The following TBC1D9 variants were observed in gnomAD, a reference collection of about 807,000 sequenced individuals.
TBC1D9 encodes TBC1 domain family member 9, also known as TBC1 domain family member 9A.
A neutral mutation model predicts 132.0 loss-of-function variants in TBC1D9; 63 were observed. The observed-to-expected ratio is 0.48, with a 90% confidence interval of 0.39 to 0.59. The LOEUF (loss-of-function observed/expected upper bound fraction) is 0.59, where lower values mean the gene tolerates loss of function less well. Ranked by LOEUF, TBC1D9 falls within the 20% of genes least tolerant of loss-of-function variation. TBC1D9 has a pLI of 0.00. For synonymous variants in TBC1D9, 610 were observed against 609.9 expected, an observed-to-expected ratio of 1.00 and a Z score of 0.00; for missense variants, 1,261 against 1,592.7, an observed-to-expected ratio of 0.79 and a Z score of 3.54.
At position 140,621,474 on chromosome 4, in the gene TBC1D9, A is replaced by G. The variant is rs1736612411; in HGVS notation, c.*721T>C. ...AGACTGTTACTTTTCACTGAATTCTAATGAGTTGACGTAAATAATCAGAAC... is the reference window on the plus strand; with the variant it reads ...AGACTGTTACTTTTCACTGAATTCTGATGAGTTGACGTAAATAATCAGAAC... On this transcript the variant is annotated 3_prime_UTR_variant, in exon 21 of 21. Transcript: ENST00000442267. The G allele has an allele frequency of 6.6e-6, 1 of 152,220 alleles. No homozygotes were observed. Among genetic ancestry groups the G allele is most frequent in the Non-Finnish European group, 1.5e-5 (1 of 68,032 alleles). 9.4% of individuals were successfully genotyped at this position (152,220 alleles called of 1,614,324 possible). A position where few individuals can be genotyped will look rare whatever the true frequency, so the allele number is the denominator to read the frequency against.
intron 13 of TBC1D9, among the ~76,000 whole-genome samples, chr4:140,653,903 G>T (rs1737224678): frequency 6.6e-6 from 1 of 152,232 alleles, no homozygotes; most frequent in African/African-American, 2.4e-5. Flanking sequence ...AGCCCAAGAA[G>T]ACGTAAATGG....
intron 13 of TBC1D9, chr4:140,642,786 G>C (rs1388770869): frequency 3.2e-6 from 2 of 634,460 alleles, no homozygotes; most frequent in Non-Finnish European, 5.6e-6. Context: ...TTGCTGCTCA[G>C]CTTTCCGCTA....
At chr4:140,626,701 A>G (rs1347763985) in intron 18 of TBC1D9, among the ~76,000 whole-genome samples, 3 of 152,246 alleles carry the variant, frequency 2.0e-5, no homozygotes, top group Admixed American at 6.5e-5. Context: ...GGAGACATAT[A>G]TGAGTTGAAT....
At chr4:140,702,080 T>C (rs1299287664) in intron 1 of TBC1D9, among the ~76,000 whole-genome samples, 2 of 152,186 alleles carry the variant, frequency 1.3e-5, no homozygotes, top group Non-Finnish European at 2.9e-5. Context: ...GATCTTCCCA[T>C]TTCCACAGCA....
intron 2 of TBC1D9, among the ~76,000 whole-genome samples, chr4:140,690,623 T>C (rs1737862919): frequency 6.6e-6 from 1 of 152,124 alleles, no homozygotes; most frequent in Admixed American, 6.5e-5. Context: ...CTCAGGATCT[T>C]CAAGTCTTTC....
chr4:140,686,728 C>A (rs1020162263), intron 2 of TBC1D9, among the ~76,000 whole-genome samples: 1 of 152,154 alleles, frequency 6.6e-6, no homozygotes, highest in Non-Finnish European at 1.5e-5. Flanking sequence ...TGTTTCAGAT[C>A]AGAAGGCAGC....
At chr4:140,666,684 G>A (rs1385362525) in intron 9 of TBC1D9, among the ~76,000 whole-genome samples, 2 of 149,256 alleles carry the variant, frequency 1.3e-5, no homozygotes, top group African/African-American at 2.5e-5. Flanking sequence ...GTTTTGGGGG[G>A]ATGAAAAATG....
At chr4:140,687,599 T>C (rs1475316218) in intron 2 of TBC1D9, among the ~76,000 whole-genome samples, 1 of 151,806 alleles carries the variant, frequency 6.6e-6, no homozygotes, top group Non-Finnish European at 1.5e-5. Context: ...GACACAAATG[T>C]ATCTGCAATT....
intron 3 of TBC1D9, among the ~76,000 whole-genome samples, chr4:140,684,908 G>A (rs1351153623): frequency 6.6e-6 from 1 of 151,982 alleles, no homozygotes; most frequent in Non-Finnish European, 1.5e-5. Flanking sequence ...ATCTGGGATA[G>A]TGTGAGCACC....
intron 13 of TBC1D9, chr4:140,643,186 G>A (rs1169193473): frequency 7.7e-6 from 11 of 1,426,786 alleles, no homozygotes; most frequent in Non-Finnish European, 1.1e-5. Flanking sequence ...AGGCTCTCCA[G>A]TGAGGGCCGA....
chr4:140,711,389 T>A (rs978138045), intron 1 of TBC1D9, among the ~76,000 whole-genome samples: 2 of 152,210 alleles, frequency 1.3e-5, no homozygotes, highest in Non-Finnish European at 2.9e-5. Flanking sequence ...AGCCCACCTC[T>A]GTTTCTAAGA....
Position 140,657,134 on chromosome 4 carries a change from T to A in TBC1D9, c.2300A>T (p.Glu767Val), listed in dbSNP as rs1474312470. The A allele has an allele frequency of 1.2e-6, 2 of 1,613,942 alleles. No homozygotes were observed. The highest frequency in any genetic ancestry group is 4.5e-5 in the East Asian group (2 of 44,876). ...LLSDDVEPYP[E>V]VDIFRLIRTS... is the part of the protein sequence containing the mutation. ...TCTGATGAGTCTAAAGATGTCTACCTCAGGGTAAGGTTCCACATCATCGCT... is the reference window on the plus strand; with the variant it reads ...TCTGATGAGTCTAAAGATGTCTACCACAGGGTAAGGTTCCACATCATCGCT... The change falls in exon 13 of 21, where the codon GAG becomes GTG. Residue 767 changes from glutamate (E) to valine (V), a missense_variant. Glu to Val is a moderately radical substitution (Grantham distance 121, BLOSUM62 -2). Around this residue, in one of 3 missense-constraint regions of TBC1D9, gnomAD observed 618 missense variants for 724.4 expected, o/e 0.85. Transcript: ENST00000442267.
chr4:140,721,889 C>T (rs115134830), intron 1 of TBC1D9, among the ~76,000 whole-genome samples: 11 of 152,208 alleles, frequency 7.2e-5, no homozygotes, highest in African/African-American at 2.6e-4. Flanking sequence ...GTCCTTCTAC[C>T]TGCTCACATC....
chr4:140,699,367 G>C (rs1462217877), intron 2 of TBC1D9, among the ~76,000 whole-genome samples: 1 of 152,074 alleles, frequency 6.6e-6, no homozygotes, highest in Non-Finnish European at 1.5e-5. Context: ...CTTTGAAAAG[G>C]GGAAGAACAG....
At chr4:140,633,458 TC>T (rs1736829462) in intron 16 of TBC1D9, among the ~76,000 whole-genome samples, 1 of 152,074 alleles carries the variant, frequency 6.6e-6, no homozygotes, top group Non-Finnish European at 1.5e-5. Flanking sequence ...GGAAGGTTCC[TC>T]CTCCCAGCAA....
intron 13 of TBC1D9, chr4:140,644,191 G>A: frequency 2.9e-6 from 1 of 340,046 alleles, no homozygotes. Context: ...GGATACCTGG[G>A]CGGCATATCT....
chr4:140,738,666 C>T (rs926534122), intron 1 of TBC1D9, among the ~76,000 whole-genome samples: 8 of 152,206 alleles, frequency 5.3e-5, no homozygotes, highest in Non-Finnish European at 8.8e-5. Context: ...ACCACCCTCA[C>T]AATAAGCATG....
chr4:140,641,755 A>G (rs953617283), intron 13 of TBC1D9: 12 of 226,264 alleles, frequency 5.3e-5, no homozygotes, highest in Admixed American at 2.6e-4. Context: ...ATACAGTACA[A>G]ATCAAAGCAA....
intron 1 of TBC1D9, among the ~76,000 whole-genome samples, chr4:140,743,533 A>G (rs1167201376): frequency 1.3e-5 from 2 of 152,196 alleles, no homozygotes; most frequent in Non-Finnish European, 2.9e-5. Flanking sequence ...AAAGAGTAGA[A>G]GTCAGTGAGG....
Sources: gnomAD v4.1 joint callset for allele counts (sites outside exome capture counted in the v4.1 genomes callset) on GRCh38, gnomAD v4.1.1 for gene constraint, gnomAD v4.1.1 regional missense constraint, MANE v1.5 for transcripts, NCBI Gene and HGNC (gene_info 2026-07-23, HGNC 2026-07-21) for gene names.